TRPC6: variants seen among roughly 807,000 people sequenced by gnomAD.
TRPC6 encodes short transient receptor potential channel 6.
A neutral mutation model predicts 90.7 loss-of-function variants in TRPC6; 55 were observed. That is an observed-to-expected ratio of 0.61 (90% confidence interval 0.49 to 0.76). The LOEUF is 0.76. Among genes scored for constraint, TRPC6 ranks in the 30% least tolerant of loss-of-function variants. The pLI is 0.00. For synonymous variants in TRPC6, 393 were observed against 393.0 expected, an observed-to-expected ratio of 1.00 and a Z score of 0.00; for missense variants, 989 against 1,122.7, an observed-to-expected ratio of 0.88 and a Z score of 1.70.
intron 10 of TRPC6, among the ~76,000 whole-genome samples, chr11:101,464,557 C>G (rs1344349445): frequency 6.6e-6 from 1 of 152,022 alleles, no homozygotes; most frequent in Non-Finnish European, 1.5e-5. Flanking sequence ...CCTTCATTGT[C>G]TTTTGTTCTT....
chr11:101,519,651 C>T (rs1034472656), intron 1 of TRPC6, among the ~76,000 whole-genome samples: 16 of 151,930 alleles, frequency 1.1e-4, no homozygotes, highest in Non-Finnish European at 1.5e-4. Context: ...TTCTTTCTTT[C>T]GTACTCCAAA....
rs200931130 is a variant in TRPC6 at position 101,561,103 on chromosome 11, G to A, written c.170+22231C>T. On this transcript the variant is annotated intron_variant, in intron 1 of 12. Transcript: ENST00000344327. ...AAATTATATTCACAATGATCAGATT[G>A]AGTTTGACATTCATAGTGTATCCTT... is the stretch of plus-strand genomic sequence containing the variant. Among the ~76,000 whole-genome samples the A allele has an allele frequency of 5.8e-5, 4 of 69,564 alleles. No homozygotes were observed. The East Asian group carries it at 0.019, about 325-fold the overall frequency. The allele number at this position is 69,564 out of a possible 152,430, so 45.6% of individuals were successfully genotyped here.
At chr11:101,492,307 G>A (rs780225522) in intron 2 of TRPC6, among the ~76,000 whole-genome samples, 6 of 152,146 alleles carry the variant, frequency 3.9e-5, no homozygotes, top group Non-Finnish European at 8.8e-5. Context: ...ATGCTGGCCG[G>A]GTGTGTTGGC....
intron 10 of TRPC6, among the ~76,000 whole-genome samples, chr11:101,463,091 G>A (rs1859046243): frequency 1.3e-5 from 2 of 152,144 alleles, no homozygotes; most frequent in Non-Finnish European, 2.9e-5. Flanking sequence ...CATTGGTTCT[G>A]TTTACGTGAT....
Position 101,471,350 on chromosome 11 carries a change from T to C in TRPC6, c.2242A>G (p.Lys748Glu), listed in dbSNP as rs762831653. Residue 748 changes from lysine (K) to glutamate (E), a missense_variant, in exon 9 of 13, where the codon AAA (lysine) becomes GAA (glutamate). Coordinates refer to ENST00000344327, the MANE Select transcript of TRPC6 (RefSeq NM_004621.6). ...ADVEWKFARA[K>E]LWFSYFEEGR... is the part of the protein sequence containing the mutation. ...TCCTCAAAGTAGGAAAACCAGAGTT[T>C]GGCCCTTGCAAATTTCCACTCCACA... is the stretch of plus-strand genomic sequence containing the variant. 4 of 1,613,940 alleles carry C rather than the reference T, an allele frequency of 2.5e-6. No individual in the cohort carries two copies. The highest frequency in any genetic ancestry group is 1.1e-5 in the South Asian group (1 of 91,074).
At chr11:101,540,534 A>T (rs1861145137) in intron 1 of TRPC6, among the ~76,000 whole-genome samples, 1 of 152,178 alleles carries the variant, frequency 6.6e-6, no homozygotes, top group Admixed American at 6.5e-5. Context: ...TTCTTGTTTA[A>T]CTGTGCTGTT....
chr11:101,527,394 T>G (rs534368121), intron 1 of TRPC6, among the ~76,000 whole-genome samples: 1 of 152,336 alleles, frequency 6.6e-6, no homozygotes, highest in East Asian at 1.9e-4. Context: ...AGTCTTTTGC[T>G]TGATCATTTT....
chr11:101,521,086 G>A (rs1860648424), intron 1 of TRPC6, among the ~76,000 whole-genome samples: 1 of 152,200 alleles, frequency 6.6e-6, no homozygotes, highest in Non-Finnish European at 1.5e-5. Context: ...ATTTGCATAA[G>A]TAAAGAGGAG....
At chr11:101,475,863 CAT>C (rs1491035076) in intron 6 of TRPC6, among the ~76,000 whole-genome samples, 1,628 of 151,386 alleles carry the variant, frequency 0.011, 25 homozygotes, top group African/African-American at 0.034. Context: ...CACACACACA[CAT>C]GTGTGTACAT....
chr11:101,502,883 A>G (rs1860163224), intron 2 of TRPC6, among the ~76,000 whole-genome samples: 1 of 152,228 alleles, frequency 6.6e-6, no homozygotes, highest in South Asian at 2.1e-4. Flanking sequence ...CATCAGTGAC[A>G]GTGGCACCAA....
intron 5 of TRPC6, among the ~76,000 whole-genome samples, chr11:101,479,362 C>T (rs1205414486): frequency 1.3e-5 from 2 of 152,196 alleles, no homozygotes; most frequent in African/African-American, 2.4e-5. Context: ...TGTCTTCAAG[C>T]ACGTCCTCCT....
chr11:101,500,033 G>GTA lies in TRPC6; in HGVS notation c.945+3989_945+3990dup, dbSNP rs71056616. Among the ~76,000 whole-genome samples the GTA allele has an allele frequency of 2.5e-4, 10 of 40,586 alleles. 2 individuals are homozygous for GTA. Among genetic ancestry groups the GTA allele is most frequent in the African/African-American group, 4.3e-4 (3 of 6,988 alleles). 26.6% of individuals were successfully genotyped at this position (40,586 alleles called of 152,430 possible). On this transcript the variant is annotated intron_variant, in intron 2 of 12. Coordinates refer to ENST00000344327, the MANE Select transcript of TRPC6 (RefSeq NM_004621.6). ...TATATATATACGCAATATAAAATGT[G>GTA]TATATATATACAATATAAAATATGT...
chr11:101,524,165 T>G (rs1434143128), intron 1 of TRPC6, among the ~76,000 whole-genome samples: 1 of 152,214 alleles, frequency 6.6e-6, no homozygotes, highest in Non-Finnish European at 1.5e-5. Flanking sequence ...ATTTTCAAAT[T>G]TGGGATTATA....
chr11:101,577,306 A>G (rs929485740), intron 1 of TRPC6, among the ~76,000 whole-genome samples: 1 of 136,202 alleles, frequency 7.3e-6, no homozygotes, highest in Non-Finnish European at 1.7e-5. Flanking sequence ...TTCACTTACC[A>G]TTCAATAAAT....
chr11:101,484,566 T>C lies in TRPC6; in HGVS notation c.1294-1401A>G, dbSNP rs74837233. ...GCCAGACACAGAATATCAGGAGATATTGTATTGTATCTCTCTCTCTCTCAT... is the reference window on the plus strand; with the variant it reads ...GCCAGACACAGAATATCAGGAGATACTGTATTGTATCTCTCTCTCTCTCAT... On this transcript the variant is annotated intron_variant, in intron 4 of 12. Coordinates refer to ENST00000344327, the MANE Select transcript of TRPC6 (RefSeq NM_004621.6). Among the ~76,000 whole-genome samples, 1,207 of 136,032 alleles carry C rather than the reference T, an allele frequency of 8.9e-3. 24 individuals carry two copies. The highest frequency in any genetic ancestry group is 0.034 in the African/African-American group (1,126 of 32,766). The allele number at this position is 136,032 out of a possible 152,430, so 89.2% of individuals were successfully genotyped here.
intron 1 of TRPC6, among the ~76,000 whole-genome samples, chr11:101,551,572 T>C (rs1187499844): frequency 6.6e-6 from 1 of 151,972 alleles, no homozygotes; most frequent in Non-Finnish European, 1.5e-5. Context: ...TCTCATACAG[T>C]CATAAAGCTG....
chr11:101,488,566 T>C (rs1214513360), intron 4 of TRPC6, among the ~76,000 whole-genome samples: 3 of 152,218 alleles, frequency 2.0e-5, no homozygotes, highest in Non-Finnish European at 2.9e-5. Flanking sequence ...ATTTGAAATA[T>C]ATGCTCAATG....
intron 12 of TRPC6, 126 bp downstream of exon 12, chr11:101,453,524 C>T: frequency 1.1e-6 from 1 of 942,874 alleles, no homozygotes; most frequent in Non-Finnish European, 1.7e-6. Context: ...TGGTGAGATC[C>T]TGTTCTACTT....
In TRPC6 at chr11:101,558,468, C is replaced by T. The variant is rs202225637; in HGVS notation, c.170+24866G>A. Among the ~76,000 whole-genome samples, 4 of 54,740 alleles carry T rather than the reference C, an allele frequency of 7.3e-5. 1 individual carries two copies. The East Asian group carries it at 0.088, about 1,208-fold the overall frequency. The allele number at this position is 54,740 out of a possible 152,430, so 35.9% of individuals were successfully genotyped here. On this transcript the variant is annotated intron_variant, in intron 1 of 12. Transcript: ENST00000344327. Reference sequence around the variant, plus strand: ...ATATACACACGCACACATACACACACACACACACACACACACACACACACA... The same window carrying T: ...ATATACACACGCACACATACACACATACACACACACACACACACACACACA...
Sources: allele counts gnomAD v4.1 joint callset (sites outside exome capture counted in the v4.1 genomes callset), GRCh38; gene constraint gnomAD v4.1.1; transcripts MANE v1.5; gene names NCBI Gene and HGNC (gene_info 2026-07-23, HGNC 2026-07-21).